The following PTPRN2 variants were observed in gnomAD, a reference collection of about 807,000 sequenced individuals.
PTPRN2 encodes protein tyrosine phosphatase receptor type N2, also known as receptor-type tyrosine-protein phosphatase N2.
A neutral mutation model predicts 118.8 loss-of-function variants in PTPRN2; 74 were observed. The ratio of observed to expected loss-of-function variants is 0.62; its 90% confidence interval spans 0.52 to 0.76. The LOEUF (loss-of-function observed/expected upper bound fraction) is 0.76, where lower values mean the gene tolerates loss of function less well. Ranked by LOEUF, PTPRN2 falls within the 30% of genes least tolerant of loss-of-function variation. The pLI is 0.00. For synonymous variants in PTPRN2, 641 were observed against 608.0 expected (o/e 1.05, Z -0.80); for missense variants, 1,481 against 1,394.4 (o/e 1.06, Z -0.99).
intron 5 of PTPRN2, among the ~76,000 whole-genome samples, chr7:158,175,361 G>A (rs562109998): frequency 1.8e-3 from 273 of 152,294 alleles, no homozygotes; most frequent in African/African-American, 6.0e-3. Flanking sequence ...GCTCCGGCTC[G>A]TGAATGTGGG....
intron 15 of PTPRN2, among the ~76,000 whole-genome samples, chr7:157,620,035 A>G (rs1803054578): frequency 6.6e-6 from 1 of 152,202 alleles, no homozygotes; most frequent in Non-Finnish European, 1.5e-5. Context: ...CCTCTGTTGC[A>G]TCAGAGACAT....
chr7:158,405,668 T>C (rs984696837), intron 2 of PTPRN2, among the ~76,000 whole-genome samples: 4 of 152,250 alleles, frequency 2.6e-5, no homozygotes, highest in African/African-American at 9.6e-5. Context: ...GATCCGGCCC[T>C]CTATACTCTT....
At chr7:157,775,969 G>A (rs576869722) in intron 12 of PTPRN2, among the ~76,000 whole-genome samples, 2 of 152,008 alleles carry the variant, frequency 1.3e-5, no homozygotes, top group African/African-American at 4.8e-5. Flanking sequence ...GTGCATAGGT[G>A]GGCTGGGCCC....
intron 8 of PTPRN2, among the ~76,000 whole-genome samples, chr7:158,134,589 G>A (rs1029223548): frequency 6.6e-6 from 1 of 152,294 alleles, no homozygotes; most frequent in Middle Eastern, 3.4e-3. Context: ...CCAGTTCACA[G>A]AAGGGGAGAC....
At chr7:158,248,694 GTGCACACACGCCACACACA>G (rs1563035272) in intron 3 of PTPRN2, among the ~76,000 whole-genome samples, 2 of 136,414 alleles carry the variant, frequency 1.5e-5, no homozygotes, top group Non-Finnish European at 3.1e-5. Flanking sequence ...CACCACACAC[GTGCACACACGCCACACACA>G]TGCACCCACA....
At chr7:157,998,447 G>C (rs1407055692) in intron 11 of PTPRN2, among the ~76,000 whole-genome samples, 1 of 152,198 alleles carries the variant, frequency 6.6e-6, no homozygotes, top group African/African-American at 2.4e-5. Flanking sequence ...CAGCTCTGCC[G>C]TGAGAGGAGC....
intron 15 of PTPRN2, among the ~76,000 whole-genome samples, chr7:157,604,315 T>C (rs1485187313): frequency 2.6e-5 from 4 of 152,194 alleles, no homozygotes; most frequent in African/African-American, 9.7e-5. Flanking sequence ...GCTCACACCC[T>C]TCTGAATGTG....
At chr7:158,270,956 CCACCCCTCCACCT>C (rs1798425441) in intron 3 of PTPRN2, among the ~76,000 whole-genome samples, 2 of 28,162 alleles carry the variant, frequency 7.1e-5, no homozygotes, top group African/African-American at 1.8e-4. Context: ...CCCACCTGGA[CCACCCCTCCACCT>C]GGACCACCCC....
intron 11 of PTPRN2, among the ~76,000 whole-genome samples, chr7:157,996,801 T>C (rs994823784): frequency 6.6e-6 from 1 of 152,218 alleles, no homozygotes; most frequent in Non-Finnish European, 1.5e-5. Context: ...AGAATGGATC[T>C]TTTCTTCTCC....
intron 11 of PTPRN2, among the ~76,000 whole-genome samples, chr7:158,020,702 G>T (rs981189051): frequency 2.0e-5 from 3 of 152,204 alleles, no homozygotes; most frequent in African/African-American, 7.2e-5. Context: ...AACACCCAAT[G>T]ATTATGGTAG....
chr7:157,727,286 T>C (rs1460958023), intron 12 of PTPRN2, among the ~76,000 whole-genome samples: 8 of 152,112 alleles, frequency 5.3e-5, no homozygotes, highest in Non-Finnish European at 8.8e-5. Context: ...CTGACAGATG[T>C]CACCAGCCCT....
intron 11 of PTPRN2, among the ~76,000 whole-genome samples, chr7:157,988,350 C>T (rs1803967282): frequency 2.0e-5 from 3 of 147,874 alleles, no homozygotes; most frequent in South Asian, 2.2e-4. Flanking sequence ...AACTCCCAGG[C>T]GTGCCCCCAG....
chr7:157,769,880 C>T (rs926856191), intron 12 of PTPRN2, among the ~76,000 whole-genome samples: 5 of 152,244 alleles, frequency 3.3e-5, no homozygotes, highest in African/African-American at 7.2e-5. Context: ...CCCCTTTGCA[C>T]ACTTTATTCT....
intron 13 of PTPRN2, among the ~76,000 whole-genome samples, chr7:157,667,809 C>G (rs575630821): frequency 6.6e-6 from 1 of 152,390 alleles, no homozygotes; most frequent in East Asian, 1.9e-4. Context: ...GGCGCAGAAA[C>G]TCTCCATCAG....
chr7:158,165,428 T>C (rs75270668), intron 6 of PTPRN2, among the ~76,000 whole-genome samples: 5,130 of 152,296 alleles, frequency 0.034, 264 homozygotes, highest in African/African-American at 0.11. Flanking sequence ...CCGCCGTCCT[T>C]CTCCTCCAAG....
intron 12 of PTPRN2, among the ~76,000 whole-genome samples, chr7:157,770,144 G>C (rs911788697): frequency 2.0e-5 from 3 of 152,208 alleles, no homozygotes; most frequent in Non-Finnish European, 1.5e-5. Context: ...CTGCAATTTA[G>C]AGATGAAATT....
intron 2 of PTPRN2, among the ~76,000 whole-genome samples, chr7:158,423,216 G>C (rs1815403615): frequency 6.6e-6 from 1 of 152,260 alleles, no homozygotes; most frequent in Admixed American, 6.5e-5. Context: ...AAACCCAAGA[G>C]AAACCACGGG....
intron 21 of PTPRN2, among the ~76,000 whole-genome samples, chr7:157,549,360 AC>A (rs973467963): frequency 3.4e-5 from 5 of 148,252 alleles, no homozygotes; most frequent in Admixed American, 2.7e-4. Flanking sequence ...GGAATGTAGT[AC>A]CTCATAGGGA....
intron 12 of PTPRN2, among the ~76,000 whole-genome samples, chr7:157,721,067 C>T (rs1348828818): frequency 6.6e-6 from 1 of 152,166 alleles, no homozygotes; most frequent in Non-Finnish European, 1.5e-5. Context: ...CAGGATGCAG[C>T]CGTGGTGTGT....
Sources: allele counts gnomAD v4.1 joint callset (sites outside exome capture counted in the v4.1 genomes callset), GRCh38; gene constraint gnomAD v4.1.1; transcripts MANE v1.5; gene names NCBI Gene and HGNC (gene_info 2026-07-23, HGNC 2026-07-21).